The following DSCAM variants were observed in gnomAD, a reference collection of about 807,000 sequenced individuals.
DSCAM encodes the protein DS cell adhesion molecule, also known as cell adhesion molecule DSCAM.
DSCAM carries 47 observed loss-of-function variants against 217.7 expected under a neutral mutation model. The ratio of observed to expected loss-of-function variants is 0.22; its 90% confidence interval spans 0.17 to 0.28. The LOEUF (loss-of-function observed/expected upper bound fraction) is 0.28. Among genes scored for constraint, DSCAM ranks in the 10% least tolerant of loss-of-function variants. The pLI is 1.00. For missense variants in DSCAM, 2,080 were observed against 2,618.3 expected (o/e 0.79, Z 4.49); for synonymous variants, 1,056 against 1,015.3 (o/e 1.04, Z -0.76).
chr21:40,823,337 G>A (rs1367763822), intron 1 of DSCAM, among the ~76,000 whole-genome samples: 1 of 152,002 alleles, frequency 6.6e-6, no homozygotes, highest in African/African-American at 2.4e-5. Context: ...TGAGGCTGCA[G>A]ATGTGAAATA....
chr21:40,105,184 C>T (rs557396059), intron 20 of DSCAM, among the ~76,000 whole-genome samples: 1 of 152,214 alleles, frequency 6.6e-6, no homozygotes, highest in South Asian at 2.1e-4. Flanking sequence ...GAGTATAGGC[C>T]ATCTGCATTT....
At chr21:40,571,937 C>T (rs577154555) in intron 3 of DSCAM, among the ~76,000 whole-genome samples, 26 of 152,170 alleles carry the variant, frequency 1.7e-4, no homozygotes, top group Non-Finnish European at 3.5e-4. Flanking sequence ...CAAAGAAATC[C>T]TCATTGGAGA....
intron 23 of DSCAM, among the ~76,000 whole-genome samples, chr21:40,084,620 AAT>A (rs1355718781): frequency 2.0e-5 from 3 of 151,902 alleles, no homozygotes. Flanking sequence ...AGGCTTGTAG[AAT>A]ACATACTGGT....
intron 2 of DSCAM, among the ~76,000 whole-genome samples, chr21:40,706,053 T>C (rs999339914): frequency 3.3e-5 from 5 of 151,348 alleles, no homozygotes; most frequent in African/African-American, 4.9e-5. Flanking sequence ...TGGTGGCGGG[T>C]GCCTGTAGTC....
At chr21:40,040,732 C>T (rs1347109861) in intron 32 of DSCAM, among the ~76,000 whole-genome samples, 3 of 152,138 alleles carry the variant, frequency 2.0e-5, no homozygotes, top group East Asian at 3.8e-4. Context: ...CTAACAGAAG[C>T]CCAGTACACA....
At chr21:40,366,486 G>A in intron 4 of DSCAM, among the ~76,000 whole-genome samples, 1 of 151,696 alleles carries the variant, frequency 6.6e-6, no homozygotes. Context: ...GATTTGTGTT[G>A]TTTCATCATT....
chr21:40,519,136 A>T (rs1289410888), intron 3 of DSCAM, among the ~76,000 whole-genome samples: 3 of 152,202 alleles, frequency 2.0e-5, no homozygotes, highest in Non-Finnish European at 4.4e-5. Flanking sequence ...TGAATCTGGT[A>T]ATTCAAGAAA....
chr21:40,138,896 AGTGTGGTGT>A (rs1266156432), intron 18 of DSCAM, among the ~76,000 whole-genome samples: 3 of 81,910 alleles, frequency 3.7e-5, no homozygotes, highest in Non-Finnish European at 7.3e-5. Flanking sequence ...GTGGTGTGTA[AGTGTGGTGT>A]GTGTGGTGTG....
chr21:40,686,609 G>C (rs879335354), intron 3 of DSCAM, among the ~76,000 whole-genome samples: 1 of 152,126 alleles, frequency 6.6e-6, no homozygotes, highest in African/African-American at 2.4e-5. Flanking sequence ...AGTCAAAAGC[G>C]TACTTCTCTG....
chr21:40,328,049 G>T (rs530607957), intron 8 of DSCAM, among the ~76,000 whole-genome samples: 6 of 152,144 alleles, frequency 3.9e-5, no homozygotes, highest in African/African-American at 1.4e-4. Context: ...AATTCATGTT[G>T]TTAAAATGCC....
chr21:40,481,530 CAAAAAAAAAA>C, intron 3 of DSCAM, among the ~76,000 whole-genome samples: 1 of 60,494 alleles, frequency 1.7e-5, no homozygotes, highest in African/African-American at 6.3e-5. Flanking sequence ...ACTCTGTCTC[CAAAAAAAAAA>C]AAAAAAAAAA....
intron 3 of DSCAM, among the ~76,000 whole-genome samples, chr21:40,683,231 CATCT>C (rs2090434339): frequency 6.6e-6 from 1 of 152,150 alleles, no homozygotes; most frequent in Non-Finnish European, 1.5e-5. Context: ...CAACTGTGTA[CATCT>C]AACAGGGAGG....
chr21:40,691,581 T>G (rs1281100265), intron 3 of DSCAM, among the ~76,000 whole-genome samples: 1 of 152,188 alleles, frequency 6.6e-6, no homozygotes, highest in Non-Finnish European at 1.5e-5. Flanking sequence ...TAAAAATGTA[T>G]AAGGGAGTCT....
intron 1 of DSCAM, among the ~76,000 whole-genome samples, chr21:40,716,757 T>C (rs1305529414): frequency 1.3e-5 from 2 of 152,212 alleles, no homozygotes; most frequent in African/African-American, 2.4e-5. Flanking sequence ...ATAATATTTA[T>C]TGAGCACCTA....
At chr21:40,746,050 T>C (rs1435232932) in intron 1 of DSCAM, among the ~76,000 whole-genome samples, 2 of 151,426 alleles carry the variant, frequency 1.3e-5, no homozygotes, top group Non-Finnish European at 3.0e-5. Flanking sequence ...AAACTTATAA[T>C]AGATACACTA....
At chr21:40,531,713 A>G (rs1452745992) in intron 3 of DSCAM, among the ~76,000 whole-genome samples, 2 of 152,244 alleles carry the variant, frequency 1.3e-5, no homozygotes, top group African/African-American at 4.8e-5. Flanking sequence ...GGCATGCAGC[A>G]CATTCCCTGC....
At chr21:40,742,701 G>A (rs2091135959) in intron 1 of DSCAM, among the ~76,000 whole-genome samples, 1 of 152,190 alleles carries the variant, frequency 6.6e-6, no homozygotes, top group Non-Finnish European at 1.5e-5. Flanking sequence ...TCTCCCTTTA[G>A]TGGGCCAGGG....
chr21:40,106,343 G>A (rs1687958572), intron 20 of DSCAM, among the ~76,000 whole-genome samples: 1 of 152,144 alleles, frequency 6.6e-6, no homozygotes, highest in African/African-American at 2.4e-5. Context: ...ATATCAATAA[G>A]CTTTTTGATG....
chr21:40,773,831 A>T (rs1031088520), intron 1 of DSCAM, among the ~76,000 whole-genome samples: 1 of 152,212 alleles, frequency 6.6e-6, no homozygotes, highest in Non-Finnish European at 1.5e-5. Context: ...CTTGTAAGTA[A>T]GGGAATAATC....
Sources: gnomAD v4.1 joint callset for allele counts (sites outside exome capture counted in the v4.1 genomes callset) on GRCh38, gnomAD v4.1.1 for gene constraint, MANE v1.5 for transcripts, NCBI Gene and HGNC (gene_info 2026-07-23, HGNC 2026-07-21) for gene names.